Variants in CPSF6 observed in about 807,000 individuals in gnomAD.
CPSF6 encodes the protein cleavage and polyadenylation specificity factor subunit 6.
CPSF6 carries 10 observed loss-of-function variants against 56.7 expected under a neutral mutation model. The observed-to-expected ratio is 0.18, with a 90% CI of 0.11 to 0.30. The LOEUF is 0.30. CPSF6 is among the 10% of genes least tolerant of loss of function. The pLI is 1.00. For missense variants in CPSF6, 419 were observed against 722.9 expected, an observed-to-expected ratio of 0.58 and a Z score of 4.82; for synonymous variants, 248 against 244.8, an observed-to-expected ratio of 1.01 and a Z score of -0.12.
intron 9 of CPSF6, among the ~76,000 whole-genome samples, chr12:69,268,339 G>A (rs1873089457): frequency 6.6e-6 from 1 of 151,524 alleles, no homozygotes; most frequent in African/African-American, 2.4e-5. Flanking sequence ...AGTCTGGATT[G>A]TATTTTTTTT....
At position 69,257,894 on chromosome 12, in the gene CPSF6, C is replaced by T. The variant is rs1217867616; in HGVS notation, c.683C>T (p.Pro228Leu). 1.9e-6 allele frequency: 3 copies of T among 1,595,502 alleles called. No homozygotes were observed. The highest frequency in any genetic ancestry group is 1.4e-5 in the African/African-American group (1 of 73,348). Residue 228 changes from proline (P) to leucine (L), a missense_variant, in exon 5 of 10, where the codon CCA (proline) becomes CTA (leucine). Physicochemically the swap from Pro to Leu is moderately conservative, Grantham distance 98. This residue lies in a region of CPSF6 where 211 missense variants were observed against 296.0 expected (regional missense o/e 0.71). Transcript: ENST00000435070. ...PGPAGPGGPP[P>L]PFPAGQTPPR... ...CCAGCAGGACCAGGAGGGCCACCCC[C>T]ACCTTTTCCAGGTAAAACTTTTCTT... is the stretch of plus-strand genomic sequence containing the variant.
chr12:69,259,265 A>G, intron 6 of CPSF6, 163 bp from the exon 7 acceptor site: 1 of 791,566 alleles, frequency 1.3e-6, no homozygotes, highest in Non-Finnish European at 1.5e-6. Flanking sequence ...GAATTTTTAG[A>G]TTTGTTCTCT....
intron 1 of CPSF6, 53 bp downstream of exon 1, chr12:69,239,759 A>C (rs1871499475): frequency 1.3e-6 from 2 of 1,523,082 alleles, no homozygotes; most frequent in Admixed American, 4.0e-5. Flanking sequence ...TGCGGCCGGG[A>C]AGCTGACCCG....
chr12:69,264,351 A>G (rs897424111), intron 9 of CPSF6, among the ~76,000 whole-genome samples: 7 of 152,154 alleles, frequency 4.6e-5, no homozygotes, highest in African/African-American at 1.7e-4. Context: ...CTCTAAACCA[A>G]TTTAAGCCCA....
chr12:69,243,191 T>C (rs942339893), intron 1 of CPSF6, among the ~76,000 whole-genome samples: 1 of 152,146 alleles, frequency 6.6e-6, no homozygotes, highest in African/African-American at 2.4e-5. Context: ...ACCCTTAGAG[T>C]ACACTGTAGG....
chr12:69,270,348 A>G lies in CPSF6; in HGVS notation c.*840A>G. 1 of 152,188 alleles carries G rather than the reference A, an allele frequency of 6.6e-6. No individual in the cohort carries two copies. Among genetic ancestry groups the G allele is most frequent in the Non-Finnish European group, 1.5e-5 (1 of 67,716 alleles). 9.4% of individuals were successfully genotyped at this position (152,188 alleles called of 1,614,324 possible). On this transcript the variant is annotated 3_prime_UTR_variant, in exon 10 of 10. Coordinates refer to ENST00000435070, the MANE Select transcript of CPSF6 (RefSeq NM_007007.3). ...ATAAGTAAAAACCCGTACATATTTGATGTGTAATGCAGGTTAATTACAACA... is the reference window on the plus strand; with the variant it reads ...ATAAGTAAAAACCCGTACATATTTGGTGTGTAATGCAGGTTAATTACAACA...
intron 1 of CPSF6, among the ~76,000 whole-genome samples, chr12:69,242,935 C>T (rs1231888503): frequency 6.6e-6 from 1 of 151,998 alleles, no homozygotes; most frequent in Non-Finnish European, 1.5e-5. Context: ...ATGGTGAAAC[C>T]CCATCTCTAT....
intron 1 of CPSF6, among the ~76,000 whole-genome samples, chr12:69,246,283 T>G (rs1269853705): frequency 6.6e-6 from 1 of 152,232 alleles, no homozygotes; most frequent in Non-Finnish European, 1.5e-5. Flanking sequence ...AATAAATTTC[T>G]TGGACAAATA....
chr12:69,250,988 A>C, intron 1 of CPSF6, 141 bp from the exon 2 acceptor site: 1 of 828,318 alleles, frequency 1.2e-6, no homozygotes, highest in Non-Finnish European at 1.8e-6. Flanking sequence ...CATCTATTGC[A>C]TAAAGTGGAA....
At chr12:69,255,495 C>T (rs1009176938) in intron 3 of CPSF6, among the ~76,000 whole-genome samples, 3 of 152,198 alleles carry the variant, frequency 2.0e-5, no homozygotes, top group Admixed American at 2.0e-4. Flanking sequence ...TTTATTAATA[C>T]GTGCTCATCA....
At chr12:69,261,257 AT>A (rs1565649419) in intron 8 of CPSF6, among the ~76,000 whole-genome samples, 3 of 152,092 alleles carry the variant, frequency 2.0e-5, no homozygotes, top group African/African-American at 4.8e-5. Flanking sequence ...TGTCATAGAT[AT>A]AGTTATCTTG....
intron 3 of CPSF6, 36 bp from the exon 4 acceptor site, chr12:69,256,661 T>C (rs776701224): frequency 3.8e-6 from 6 of 1,571,832 alleles, no homozygotes; most frequent in Middle Eastern, 3.4e-4. Flanking sequence ...TTGATCTCTT[T>C]TTACTTTGTA....
At chr12:69,257,944 T>C in intron 5 of CPSF6, 39 bp downstream of exon 5, 1 of 1,586,640 alleles carries the variant, frequency 6.3e-7, no homozygotes, top group Non-Finnish European at 8.6e-7. Context: ...AAAACATGTC[T>C]ACCTAATACC....
intron 1 of CPSF6, among the ~76,000 whole-genome samples, chr12:69,248,981 TCA>T (rs896439861): frequency 1.3e-5 from 2 of 152,008 alleles, no homozygotes; most frequent in African/African-American, 4.8e-5. Flanking sequence ...GTGTGGTGGC[TCA>T]CACCTGTAAT....
chr12:69,273,298 G>A lies in CPSF6; in HGVS notation c.*3790G>A, dbSNP rs191130303. 41 of 340,212 alleles carry A rather than the reference G, an allele frequency of 1.2e-4. 1 individual carries two copies. The East Asian group carries it at 2.7e-3, about 22-fold the overall frequency. 21.1% of individuals were successfully genotyped at this position (340,212 alleles called of 1,614,324 possible). ...TTCTTTTTTTAGAATTTCAGGTTGT[G>A]GCATTCACTGAGTATGCAGCTACTA... On this transcript the variant is annotated 3_prime_UTR_variant, in exon 10 of 10. Coordinates refer to ENST00000435070, the MANE Select transcript of CPSF6 (RefSeq NM_007007.3).
intron 6 of CPSF6, 31 bp from the exon 7 acceptor site, chr12:69,259,397 A>T: frequency 4.4e-6 from 7 of 1,599,632 alleles, no homozygotes; most frequent in African/African-American, 1.3e-5. Context: ...TCTGTTGAGT[A>T]TGAGTTAAGG....
At chr12:69,249,524 G>C (rs936645208) in intron 1 of CPSF6, among the ~76,000 whole-genome samples, 7 of 151,992 alleles carry the variant, frequency 4.6e-5, no homozygotes, top group African/African-American at 1.7e-4. Context: ...TGTATTAATG[G>C]GAGAATCTGT....
chr12:69,247,031 A>AT (rs888890463), intron 1 of CPSF6, among the ~76,000 whole-genome samples: 3 of 152,234 alleles, frequency 2.0e-5, no homozygotes, highest in South Asian at 2.1e-4. Flanking sequence ...AGAATGATGA[A>AT]TATTTTGACA....
intron 7 of CPSF6, 40 bp downstream of exon 7, chr12:69,259,583 A>T: frequency 6.5e-7 from 1 of 1,533,130 alleles, no homozygotes; most frequent in Non-Finnish European, 8.8e-7. Context: ...TATTTATGTT[A>T]TTAGGAATGA....
Sources: gnomAD v4.1 joint callset for allele counts (sites outside exome capture counted in the v4.1 genomes callset) on GRCh38, gnomAD v4.1.1 for gene constraint, gnomAD v4.1.1 regional missense constraint, MANE v1.5 for transcripts, NCBI Gene and HGNC (gene_info 2026-07-23, HGNC 2026-07-21) for gene names.